CCDC33: variants seen among roughly 807,000 people sequenced by gnomAD.
The protein encoded by CCDC33 is coiled-coil domain containing 33, also known as coiled-coil domain-containing protein 33.
In CCDC33, 94 loss-of-function variants were observed where a neutral mutation model predicts 91.9. The ratio of observed to expected loss-of-function variants is 1.02; its 90% CI spans 0.87 to 1.21. The LOEUF (loss-of-function observed/expected upper bound fraction) is 1.21, where lower values mean the gene tolerates loss of function less well. Ranked by LOEUF, CCDC33 falls within the 50% of genes most tolerant of loss-of-function variation. The probability of loss-of-function intolerance (pLI) is 0.00; values close to 1 mark genes in which losing one functional copy is unlikely to be tolerated. For missense variants in CCDC33, 940 were observed against 935.5 expected, an observed-to-expected ratio of 1.00 and a Z score of -0.06; for synonymous variants, 396 against 374.5, an observed-to-expected ratio of 1.06 and a Z score of -0.66.
downstream of CCDC33, chr15:74,336,173 TG>T (rs1044777464): frequency 2.7e-5 from 39 of 1,469,426 alleles, no homozygotes; most frequent in Non-Finnish European, 3.3e-5. Context: ...CAGGGCAGCC[TG>T]GGGGCCCTGC....
rs1304084270 is a variant in CCDC33 at position 74,330,674 on chromosome 15, C to G, written c.1468C>G (p.Gln490Glu). 1.2e-6 allele frequency: 2 copies of G among 1,613,362 alleles called. No individual in the cohort carries two copies. Among genetic ancestry groups the G allele is most frequent in the Non-Finnish European group, 1.7e-6 (2 of 1,179,856 alleles). Residue 490 changes from glutamine (Q) to glutamate (E), a missense_variant, in exon 13 of 19, where the codon CAG (glutamine) becomes GAG (glutamate). Physicochemically the swap from Gln to Glu is conservative, Grantham distance 29. Coordinates refer to ENST00000398814, the MANE Select transcript of CCDC33 (RefSeq NM_025055.5). ...AACCCACCTAACAGTGTCCATGAAGCAGAAACTGCTGCTGAGTGAGCTGGA... is the reference window on the plus strand; with the variant it reads ...AACCCACCTAACAGTGTCCATGAAGGAGAAACTGCTGCTGAGTGAGCTGGA... Reference protein sequence around the residue: ...SEAQNTVSMKQKLLLSELDMK... With the variant: ...SEAQNTVSMKEKLLLSELDMK...
chr15:74,281,336 G>T (rs2142499974), intron 9 of CCDC33, among the ~76,000 whole-genome samples: 1 of 152,332 alleles, frequency 6.6e-6, no homozygotes, highest in South Asian at 2.1e-4. Context: ...CAATGCCTCA[G>T]TTTCCTTGCC....
intron 11 of CCDC33, among the ~76,000 whole-genome samples, chr15:74,308,386 C>CACACACACACA (rs3222833): frequency 4.6e-5 from 7 of 151,886 alleles, no homozygotes; most frequent in African/African-American, 1.7e-4. Flanking sequence ...CACACACACA[C>CACACACACACA]ATTTGGTGCT....
intron 11 of CCDC33, among the ~76,000 whole-genome samples, chr15:74,307,338 G>A (rs1313983561): frequency 1.3e-5 from 2 of 152,142 alleles, no homozygotes; most frequent in Admixed American, 1.3e-4. Flanking sequence ...CACTGAGCTC[G>A]TACTCTGTAC....
At chr15:74,295,689 G>A in intron 10 of CCDC33, 65 bp from the exon 11 acceptor site, 1 of 1,412,926 alleles carries the variant, frequency 7.1e-7, no homozygotes. Context: ...TAGATGGTGT[G>A]CTTATGGTAG....
In CCDC33 at chr15:74,295,913, G is replaced by A. The variant is rs1040834328; in HGVS notation, c.1255G>A (p.Glu419Lys). 1.9e-6 allele frequency: 3 copies of A among 1,613,780 alleles called. No homozygotes were observed. Among genetic ancestry groups the A allele is most frequent in the African/African-American group, 2.7e-5 (2 of 74,922 alleles). Residue 419 changes from glutamate to lysine, a missense_variant, in exon 11 of 19, where the codon GAG becomes AAG. Transcript: ENST00000398814. ...LSTSTPREAE[E>K]EPLVPEMSHD... ...CACGTCCACTCCACGAGAAGCAGAG[G>A]AGGAACCTCTGGTGCCTGAGATGTC...
chr15:74,219,990 A>G (rs1469218467), intron 2 of CCDC33, among the ~76,000 whole-genome samples: 1 of 152,136 alleles, frequency 6.6e-6, no homozygotes, highest in Non-Finnish European at 1.5e-5. Context: ...AGTGGAGCCC[A>G]GGTGGTGGAC....
At chr15:74,216,983 G>T (rs1300357990), upstream of CCDC33, among the ~76,000 whole-genome samples, 1 of 152,174 alleles carries the variant, frequency 6.6e-6, no homozygotes, top group Non-Finnish European at 1.5e-5. Context: ...TGGAGTTATT[G>T]TTTGGTTCAC....
chr15:74,330,400 C>A, intron 12 of CCDC33, 46 bp downstream of exon 12: 1 of 1,506,470 alleles, frequency 6.6e-7, no homozygotes, highest in Non-Finnish European at 8.9e-7. Context: ...TCTGCCTGGG[C>A]CCAGGCTCCA....
chr15:74,258,410 G>T (rs1014179247), intron 2 of CCDC33, among the ~76,000 whole-genome samples: 1 of 152,194 alleles, frequency 6.6e-6, no homozygotes, highest in Non-Finnish European at 1.5e-5. Context: ...CTAAAGCTCT[G>T]CCCAGGAGGC....
At chr15:74,291,677 C>T (rs1379167187) in intron 10 of CCDC33, among the ~76,000 whole-genome samples, 21 of 152,260 alleles carry the variant, frequency 1.4e-4, no homozygotes, top group Non-Finnish European at 1.5e-4. Context: ...CAGCTGCAGC[C>T]TGGCTAGTCA....
At chr15:74,304,733 G>A (rs995535894) in intron 11 of CCDC33, among the ~76,000 whole-genome samples, 23 of 152,070 alleles carry the variant, frequency 1.5e-4, no homozygotes, top group African/African-American at 5.6e-4. Flanking sequence ...GCTCTGCCAG[G>A]CAAAGCTATG....
chr15:74,266,681 T>C lies in CCDC33; in HGVS notation c.323T>C (p.Val108Ala), dbSNP rs2142398237. ...IQAEDAGQED[V>A]ILKVVDNRKK... is the part of the protein sequence containing the mutation. ...GGCTCATTTTTTCTCTTTCCAGATG[T>C]GATCCTCAAGGTGGTGGACAACAGA... is the stretch of plus-strand genomic sequence containing the variant. The change falls in exon 4 of 19, where the codon GTG (valine) becomes GCG (alanine). Residue 108 changes from valine to alanine, a missense_variant. Physicochemically the swap from Val to Ala is moderately conservative, Grantham distance 64. Coordinates refer to ENST00000398814, the MANE Select transcript of CCDC33 (RefSeq NM_025055.5). The C allele has an allele frequency of 6.2e-7, 1 of 1,612,372 alleles. No individual in the cohort carries two copies. The highest frequency in any genetic ancestry group is 8.5e-7 in the Non-Finnish European group (1 of 1,178,378).
intron 11 of CCDC33, among the ~76,000 whole-genome samples, chr15:74,313,414 TC>T (rs1168795048): frequency 1.0e-5 from 1 of 99,468 alleles, no homozygotes; most frequent in Non-Finnish European, 2.1e-5. Flanking sequence ...TTTCTTTCTT[TC>T]TTTTTTTTTT....
intron 2 of CCDC33, among the ~76,000 whole-genome samples, chr15:74,262,042 T>C (rs1298233606): frequency 1.7e-5 from 2 of 115,998 alleles, no homozygotes; most frequent in Non-Finnish European, 1.8e-5. Flanking sequence ...ACAGCCACTC[T>C]GCCCAGAGGA....
chr15:74,290,204 G>C (rs2059561138), intron 10 of CCDC33, among the ~76,000 whole-genome samples: 1 of 148,794 alleles, frequency 6.7e-6, no homozygotes, highest in African/African-American at 2.5e-5. Flanking sequence ...TTGAGATGGA[G>C]TCCTGACCTG....
chr15:74,286,141 G>A (rs551996102), intron 10 of CCDC33, among the ~76,000 whole-genome samples: 16 of 152,314 alleles, frequency 1.1e-4, no homozygotes, highest in African/African-American at 3.6e-4. Flanking sequence ...AGCTACTTGG[G>A]AGGCTGAGGC....
At chr15:74,213,313 A>C (rs530582824), upstream of CCDC33, 1 of 152,330 alleles carries the variant, frequency 6.6e-6, no homozygotes, top group Non-Finnish European at 1.5e-5. Context: ...CCACACCCAG[A>C]AGGAAGAAAT....
intron 5 of CCDC33, 136 bp downstream of exon 5, chr15:74,268,594 C>A (rs2076234712): frequency 1.6e-6 from 1 of 633,194 alleles, no homozygotes; most frequent in Non-Finnish European, 2.8e-6. Context: ...ATGGAAAAAG[C>A]AACCAGGCCT....
Sources: allele counts gnomAD v4.1 joint callset (sites outside exome capture counted in the v4.1 genomes callset), GRCh38; gene constraint gnomAD v4.1.1; transcripts MANE v1.5; gene names NCBI Gene and HGNC (gene_info 2026-07-23, HGNC 2026-07-21).